Variants in SPAM1 observed in about 807,000 individuals in gnomAD.
The protein encoded by SPAM1 is hyaluronidase PH-20.
A neutral mutation model predicts 29.6 loss-of-function variants in SPAM1; 22 were observed. The ratio of observed to expected loss-of-function variants is 0.74; its 90% CI spans 0.53 to 1.06. The LOEUF is 1.06. Among genes scored for constraint, SPAM1 ranks in the 50% least tolerant of loss-of-function variants. The pLI, the probability that SPAM1 is intolerant of heterozygous loss-of-function variation, is 0.00. For synonymous variants in SPAM1, 194 were observed against 204.6 expected (o/e 0.95, Z 0.44); for missense variants, 534 against 604.0 (o/e 0.88, Z 1.21).
chr7:123,945,556 C>T (rs1808551222), intron 1 of SPAM1, among the ~76,000 whole-genome samples: 1 of 152,064 alleles, frequency 6.6e-6, no homozygotes, highest in African/African-American at 2.4e-5. Context: ...GAGAGCAGAC[C>T]TTTAGACCTA....
Position 123,959,885 on chromosome 7 carries a change from C to T in SPAM1, c.1446C>T (p.Tyr482=). The T allele has an allele frequency of 6.2e-7, 1 of 1,613,006 alleles. No individual in the cohort carries two copies. The highest frequency in any genetic ancestry group is 8.5e-7 in the Non-Finnish European group (1 of 1,179,502). The part of the protein sequence containing the change: ...PMETEEPQIF[Y]NASPSTLSAT... ...AGACAGAAGAACCTCAAATTTTCTA[C>T]AATGCTTCACCCTCCACACTATCTG... The change falls in exon 5 of 5, where the codon TAC becomes TAT. Residue 482 remains tyrosine (Y), a synonymous_variant. Coordinates refer to ENST00000682466, the MANE Select transcript of SPAM1 (RefSeq NM_153189.3).
chr7:123,970,354 C>A, intron 6 of SPAM1: 3 of 1,283,174 alleles, frequency 2.3e-6, no homozygotes, highest in South Asian at 2.9e-5. Flanking sequence ...TGTTTCTTCC[C>A]CTTATAAGGA....
intron 1 of SPAM1, among the ~76,000 whole-genome samples, chr7:123,940,844 C>G (rs567375455): frequency 6.6e-6 from 1 of 152,126 alleles, no homozygotes; most frequent in African/African-American, 2.4e-5. Context: ...TTTCTTATAA[C>G]ACATCAATGT....
chr7:123,948,218 T>A (rs1182170675), intron 1 of SPAM1, among the ~76,000 whole-genome samples: 1 of 152,184 alleles, frequency 6.6e-6, no homozygotes, highest in Non-Finnish European at 1.5e-5. Context: ...CTTTCAGGGA[T>A]ATTACGCTGG....
At chr7:123,967,099 C>T (rs1003546723) in intron 5 of SPAM1, among the ~76,000 whole-genome samples, 11 of 151,840 alleles carry the variant, frequency 7.2e-5, no homozygotes, top group African/African-American at 2.4e-4. Flanking sequence ...TCCTGGGCCT[C>T]GTTTATAACA....
chr7:123,959,065 ATAGGAAAC>A (rs1375797914), intron 4 of SPAM1, among the ~76,000 whole-genome samples: 4 of 152,020 alleles, frequency 2.6e-5, no homozygotes, highest in African/African-American at 7.2e-5. Flanking sequence ...AGTCACCCAG[ATAGGAAAC>A]TAAGACTTAG....
chr7:123,965,102 T>C (rs772337530), intron 5 of SPAM1, among the ~76,000 whole-genome samples: 49 of 151,998 alleles, frequency 3.2e-4, no homozygotes, highest in Non-Finnish European at 6.0e-4. Context: ...CTTAGATAAG[T>C]GACTTGCCCT....
intron 2 of SPAM1, among the ~76,000 whole-genome samples, chr7:123,952,003 T>C (rs993182491): frequency 6.6e-6 from 1 of 152,128 alleles, no homozygotes; most frequent in Admixed American, 6.6e-5. Flanking sequence ...ACTCCTTCCC[T>C]GAGATACAGG....
intron 1 of SPAM1, among the ~76,000 whole-genome samples, chr7:123,934,447 A>G (rs1162853838): frequency 1.3e-5 from 2 of 152,146 alleles, no homozygotes; most frequent in Non-Finnish European, 2.9e-5. Context: ...TCGAAAAACT[A>G]AAAAATGGAA....
chr7:123,963,476 C>A (rs1006602948), downstream of SPAM1, among the ~76,000 whole-genome samples: 2 of 151,468 alleles, frequency 1.3e-5, no homozygotes, highest in Non-Finnish European at 3.0e-5. Context: ...AAAGAGGAAC[C>A]AAAGATTAGC....
intron 4 of SPAM1, among the ~76,000 whole-genome samples, chr7:123,958,257 C>T (rs1345404357): frequency 6.6e-6 from 1 of 152,010 alleles, no homozygotes; most frequent in East Asian, 1.9e-4. Context: ...ATTAGCACAA[C>T]CACCTCACTC....
chr7:123,956,273 C>CT (rs1792246833), intron 4 of SPAM1, among the ~76,000 whole-genome samples: 1 of 151,972 alleles, frequency 6.6e-6, no homozygotes, highest in Admixed American at 6.6e-5. Context: ...AAATTGTTCC[C>CT]TATAGACTCT....
chr7:123,964,053 A>G (rs1005490603), downstream of SPAM1, among the ~76,000 whole-genome samples: 5 of 98,238 alleles, frequency 5.1e-5, no homozygotes, highest in African/African-American at 3.0e-4. Flanking sequence ...ATAAGACAGT[A>G]TATTAAGTAA....
chr7:123,929,593 C>G (rs1808004382), intron 1 of SPAM1, among the ~76,000 whole-genome samples: 1 of 152,028 alleles, frequency 6.6e-6, no homozygotes, highest in Non-Finnish European at 1.5e-5. Context: ...AAAAGATCTG[C>G]TGTTGTCCAG....
In SPAM1 at chr7:123,931,371, T is replaced by C. The variant is rs1279207093; in HGVS notation, c.-319+6019T>C. On this transcript the variant is annotated intron_variant, in intron 1 of 4. Coordinates refer to ENST00000682466, the MANE Select transcript of SPAM1 (RefSeq NM_153189.3). ...ATAAAAACAGGCCATAAAGAAATTA[T>C]GTGACCTACCTTGTTTGACTGTAGG... Among the ~76,000 whole-genome samples, 7 of 152,314 alleles carry C rather than the reference T, an allele frequency of 4.6e-5. No individual in the cohort carries two copies. The South Asian group carries it at 6.2e-4, about 14-fold the overall frequency.
chr7:123,941,118 A>G (rs1449039297), intron 1 of SPAM1, among the ~76,000 whole-genome samples: 1 of 152,134 alleles, frequency 6.6e-6, no homozygotes, highest in Non-Finnish European at 1.5e-5. Context: ...TTCATTATTT[A>G]TTTGGCTCTT....
intron 4 of SPAM1, among the ~76,000 whole-genome samples, chr7:123,955,662 A>G (rs1464226312): frequency 6.6e-6 from 1 of 152,020 alleles, no homozygotes; most frequent in African/African-American, 2.4e-5. Context: ...GAAGCATTAT[A>G]TTCATCTCTT....
intron 5 of SPAM1, among the ~76,000 whole-genome samples, chr7:123,965,673 G>A (rs1205311413): frequency 6.6e-6 from 1 of 151,848 alleles, no homozygotes; most frequent in African/African-American, 2.4e-5. Context: ...TGTTTATTTT[G>A]TACCAGTGCA....
chr7:123,935,508 A>C (rs12706559), intron 1 of SPAM1, among the ~76,000 whole-genome samples: 19,692 of 152,204 alleles, frequency 0.13, 1,712 homozygotes, highest in Non-Finnish European at 0.19. Context: ...AGGCCTGTTG[A>C]TCCTAATCTA....
Sources: allele counts gnomAD v4.1 joint callset (sites outside exome capture counted in the v4.1 genomes callset), GRCh38; gene constraint gnomAD v4.1.1; transcripts MANE v1.5; gene names NCBI Gene and HGNC (gene_info 2026-07-23, HGNC 2026-07-21).